The following LRRFIP1 variants were observed in gnomAD, a reference collection of about 807,000 sequenced individuals.
The protein encoded by LRRFIP1 is leucine-rich repeat flightless-interacting protein 1.
In LRRFIP1, 62 loss-of-function variants were observed where a neutral mutation model predicts 104.4. The observed-to-expected ratio is 0.59, with a 90% CI of 0.48 to 0.73. The LOEUF (loss-of-function observed/expected upper bound fraction) is 0.73. Ranked by LOEUF, LRRFIP1 falls within the 30% of genes least tolerant of loss-of-function variation. The pLI is 0.00. For missense variants in LRRFIP1, 796 were observed against 824.5 expected (o/e 0.97, Z 0.42); for synonymous variants, 300 against 299.0 (o/e 1.00, Z -0.03).
At chr2:237,631,336 G>A (rs2082308826) in intron 1 of LRRFIP1, among the ~76,000 whole-genome samples, 1 of 152,206 alleles carries the variant, frequency 6.6e-6, no homozygotes, top group African/African-American at 2.4e-5. Flanking sequence ...ACTCTTCTGG[G>A]TAGAAGCAGG....
chr2:237,763,099 A>C, intron 19 of LRRFIP1: 1 of 1,614,238 alleles, frequency 6.2e-7, no homozygotes, highest in South Asian at 1.1e-5. Flanking sequence ...AGGTCCCCCA[A>C]GAGTTAGAGA....
At chr2:237,700,555 T>C (rs1269484243) in intron 1 of LRRFIP1, among the ~76,000 whole-genome samples, 1 of 152,206 alleles carries the variant, frequency 6.6e-6, no homozygotes, top group East Asian at 1.9e-4. Flanking sequence ...ATGTGTGTAA[T>C]TAATAGGAGA....
intron 4 of LRRFIP1, among the ~76,000 whole-genome samples, chr2:237,719,008 G>T (rs1218492464): frequency 6.6e-6 from 1 of 152,054 alleles, no homozygotes; most frequent in Non-Finnish European, 1.5e-5. Context: ...CACTGAGAAA[G>T]AAAAAATGCT....
At chr2:237,647,166 TA>T (rs960951551) in intron 1 of LRRFIP1, among the ~76,000 whole-genome samples, 4 of 151,980 alleles carry the variant, frequency 2.6e-5, no homozygotes, top group Non-Finnish European at 5.9e-5. Context: ...TTGGGCAGGA[TA>T]GGCCAAGTCT....
intron 7 of LRRFIP1, among the ~76,000 whole-genome samples, chr2:237,726,214 A>G (rs935217025): frequency 1.3e-5 from 2 of 152,230 alleles, no homozygotes; most frequent in African/African-American, 4.8e-5. Flanking sequence ...CAAATTTAAT[A>G]TGGAAGGATT....
At chr2:237,728,528 C>A (rs181719390) in intron 8 of LRRFIP1, among the ~76,000 whole-genome samples, 1 of 32,222 alleles carries the variant, frequency 3.1e-5, no homozygotes, top group East Asian at 7.3e-4. Flanking sequence ...TTAGGGAGAC[C>A]GGGCGGGGGT....
chr2:237,676,557 G>A (rs981841046), intron 1 of LRRFIP1, among the ~76,000 whole-genome samples: 1 of 152,214 alleles, frequency 6.6e-6, no homozygotes. Context: ...ACAGGCTGGA[G>A]TTCAGTGACA....
At chr2:237,693,281 G>C (rs2092940426) in intron 1 of LRRFIP1, among the ~76,000 whole-genome samples, 1 of 152,226 alleles carries the variant, frequency 6.6e-6, no homozygotes, top group South Asian at 2.1e-4. Flanking sequence ...GTGGGATCTT[G>C]GTAAAAGTAT....
intron 1 of LRRFIP1, among the ~76,000 whole-genome samples, chr2:237,657,682 T>C (rs2087069681): frequency 6.6e-6 from 1 of 152,224 alleles, no homozygotes; most frequent in Admixed American, 6.5e-5. Context: ...AAAATATATT[T>C]GTTTATATAG....
At chr2:237,628,524 G>A (rs570714184) in intron 1 of LRRFIP1, among the ~76,000 whole-genome samples, 4 of 152,274 alleles carry the variant, frequency 2.6e-5, no homozygotes, top group African/African-American at 9.6e-5. Flanking sequence ...GAGAGCAGCA[G>A]CTTGGGAAAA....
chr2:237,741,778 A>G (rs2057112616), intron 11 of LRRFIP1, among the ~76,000 whole-genome samples: 1 of 152,104 alleles, frequency 6.6e-6, no homozygotes, highest in Non-Finnish European at 1.5e-5. Context: ...CAGTGAGCTG[A>G]GATCGCACCA....
chr2:237,648,133 G>A (rs150250531), intron 1 of LRRFIP1, among the ~76,000 whole-genome samples: 159 of 151,980 alleles, frequency 1.0e-3, no homozygotes, highest in South Asian at 5.0e-3. Flanking sequence ...CACTCCACTC[G>A]CGTGTTTCCA....
chr2:237,715,341 G>A (rs1273481875), intron 3 of LRRFIP1, among the ~76,000 whole-genome samples: 1 of 152,176 alleles, frequency 6.6e-6, no homozygotes, highest in Non-Finnish European at 1.5e-5. Context: ...GAGAGCCTCG[G>A]GAAGAACTGG....
In LRRFIP1 at chr2:237,735,073, G is replaced by A. The variant is rs1161385533; in HGVS notation, c.490-195G>A. Among the ~76,000 whole-genome samples the A allele has an allele frequency of 6.6e-6, 1 of 152,094 alleles. No homozygotes were observed. The highest frequency in any genetic ancestry group is 2.4e-5 in the African/African-American group (1 of 41,412). ...ACACCTCCTGACAACGACTAAAACCGGTCTCTCCTCATTTCCTTGTCGCAC... is the reference window on the plus strand; with the variant it reads ...ACACCTCCTGACAACGACTAAAACCAGTCTCTCCTCATTTCCTTGTCGCAC... On this transcript the variant is annotated intron_variant, in intron 9 of 23. Coordinates refer to ENST00000308482, the MANE Select transcript of LRRFIP1 (RefSeq NM_001137550.2). The surrounding 1 kb of genome is among the most constrained non-coding windows in gnomAD (Gnocchi z 4.6).
chr2:237,772,093 A>T lies in LRRFIP1; in HGVS notation c.1522A>T (p.Lys508Ter). ...ECLLEQIKKLKGQLEERQKIG... is the reference protein window; with the variant it reads ...ECLLEQIKKL ...CGGGTGTTTTCAGATTAAGAAACTC[A>T]AAGGGCAGCTGGAGGAGAGACAGAA... The change falls in exon 21 of 24, where the codon AAA becomes TAA. Residue 508 changes from lysine (K) to a stop codon, truncating the protein, a stop_gained. Transcript: ENST00000308482. LOFTEE classifies it high-confidence loss of function. The T allele has an allele frequency of 1.2e-6, 2 of 1,612,796 alleles. No homozygotes were observed. Among genetic ancestry groups the T allele is most frequent in the Non-Finnish European group, 1.7e-6 (2 of 1,179,126 alleles).
chr2:237,736,635 T>C (rs903166893), intron 10 of LRRFIP1, among the ~76,000 whole-genome samples: 7 of 152,208 alleles, frequency 4.6e-5, no homozygotes, highest in African/African-American at 1.4e-4. Flanking sequence ...ATCCTTGGCC[T>C]TCATTGCTCT....
chr2:237,700,953 G>A (rs2093488125), intron 1 of LRRFIP1, among the ~76,000 whole-genome samples: 1 of 152,118 alleles, frequency 6.6e-6, no homozygotes, highest in Admixed American at 6.5e-5. Flanking sequence ...CAGCTTCTGT[G>A]TAGAATTCTG....
At chr2:237,687,824 G>T (rs557035455) in intron 1 of LRRFIP1, among the ~76,000 whole-genome samples, 1 of 152,150 alleles carries the variant, frequency 6.6e-6, no homozygotes, top group Non-Finnish European at 1.5e-5. Context: ...TGTCCTCCCC[G>T]TCTGCCCTCA....
intron 19 of LRRFIP1, among the ~76,000 whole-genome samples, chr2:237,761,495 T>C (rs1177743472): frequency 6.6e-6 from 1 of 152,268 alleles, no homozygotes; most frequent in Non-Finnish European, 1.5e-5. Flanking sequence ...ATTTTATAAA[T>C]CTTTGATAAC....
Sources: allele counts gnomAD v4.1 joint callset (sites outside exome capture counted in the v4.1 genomes callset), GRCh38; gene constraint gnomAD v4.1.1; non-coding constraint Gnocchi (gnomAD v3.1); transcripts MANE v1.5; gene names NCBI Gene and HGNC (gene_info 2026-07-23, HGNC 2026-07-21).